Variants in DENND1B observed in about 807,000 individuals in gnomAD.
DENND1B encodes DENN domain containing 1B, also known as DENN domain-containing protein 1B.
In DENND1B, 59 loss-of-function variants were observed where a neutral mutation model predicts 90.1. The observed-to-expected ratio is 0.65, with a 90% CI of 0.53 to 0.81. The LOEUF is 0.81. Ranked by LOEUF, DENND1B falls within the 40% of genes least tolerant of loss-of-function variation. DENND1B has a pLI of 0.00. For missense variants in DENND1B, 862 were observed against 912.6 expected, an observed-to-expected ratio of 0.94 and a Z score of 0.71; for synonymous variants, 337 against 324.6, an observed-to-expected ratio of 1.04 and a Z score of -0.41.
intron 10 of DENND1B, among the ~76,000 whole-genome samples, chr1:197,618,843 T>G (rs1269436229): frequency 6.6e-6 from 1 of 151,066 alleles, no homozygotes; most frequent in Non-Finnish European, 1.5e-5. Context: ...ACAAAGATAT[T>G]TAAAGAAACT....
chr1:197,734,278 G>T, intron 2 of DENND1B: 1 of 932,052 alleles, frequency 1.1e-6, no homozygotes, highest in Non-Finnish European at 1.3e-6. Flanking sequence ...TTTTTAACCT[G>T]TAAAAAGTTA....
In DENND1B at chr1:197,741,109, G is replaced by T. The variant is rs377057668; in HGVS notation, c.83-26035C>A. ...CTGGAATTTCTCTAGGCTACAAAGA[G>T]AAAGGATAAGACAAGTAAATCATTA... On this transcript the variant is annotated intron_variant, in intron 2 of 22. Coordinates refer to ENST00000620048, the MANE Select transcript of DENND1B (RefSeq NM_001195215.2). Among the ~76,000 whole-genome samples, 213 of 152,264 alleles carry T rather than the reference G, an allele frequency of 1.4e-3. 1 individual carries two copies. Among genetic ancestry groups the T allele is most frequent in the Middle Eastern group, 6.8e-3 (2 of 294 alleles).
chr1:197,611,250 C>T (rs1253530707), intron 12 of DENND1B, among the ~76,000 whole-genome samples: 2 of 150,716 alleles, frequency 1.3e-5, no homozygotes, highest in African/African-American at 2.4e-5. Flanking sequence ...TTAATTAAAG[C>T]CTTTTGCTTA....
intron 2 of DENND1B, among the ~76,000 whole-genome samples, chr1:197,723,188 A>G (rs149990332): frequency 0.017 from 2,630 of 152,336 alleles, 32 homozygotes; most frequent in South Asian, 0.037. Flanking sequence ...AGCATGTTAG[A>G]TATAACATTT....
intron 16 of DENND1B, among the ~76,000 whole-genome samples, chr1:197,549,382 A>G (rs1192448826): frequency 6.6e-6 from 1 of 152,172 alleles, no homozygotes; most frequent in Middle Eastern, 3.2e-3. Flanking sequence ...AAACTAAATA[A>G]GAATGGAAAA....
intron 20 of DENND1B, among the ~76,000 whole-genome samples, chr1:197,537,585 AG>A (rs1172116370): frequency 1.3e-5 from 2 of 152,168 alleles, no homozygotes; most frequent in African/African-American, 4.8e-5. Flanking sequence ...AAAACAGGTA[AG>A]ATAATAGATG....
chr1:197,734,323 T>C (rs1375262328), intron 2 of DENND1B: 1 of 955,534 alleles, frequency 1.0e-6, no homozygotes, highest in Non-Finnish European at 1.2e-6. Context: ...AGTCATATGA[T>C]GGTAGTGAAA....
intron 3 of DENND1B, among the ~76,000 whole-genome samples, chr1:197,706,752 T>C (rs1659574251): frequency 6.6e-6 from 1 of 152,082 alleles, no homozygotes; most frequent in Non-Finnish European, 1.5e-5. Flanking sequence ...TTACAATAGT[T>C]ATCATCAAAG....
intron 13 of DENND1B, among the ~76,000 whole-genome samples, chr1:197,597,282 A>G (rs1223238073): frequency 6.6e-6 from 1 of 151,868 alleles, no homozygotes; most frequent in Non-Finnish European, 1.5e-5. Flanking sequence ...AAATGCCTTC[A>G]ATAGCAATGG....
At chr1:197,523,870 T>C (rs1668951046) in intron 20 of DENND1B, among the ~76,000 whole-genome samples, 1 of 152,062 alleles carries the variant, frequency 6.6e-6, no homozygotes, top group South Asian at 2.1e-4. Flanking sequence ...AATTAAGAAT[T>C]ATAAGACATG....
intron 2 of DENND1B, among the ~76,000 whole-genome samples, chr1:197,758,337 C>G: frequency 6.6e-6 from 1 of 152,172 alleles, no homozygotes; most frequent in Non-Finnish European, 1.5e-5. Flanking sequence ...TTCCTGTCTT[C>G]CAGATTGATC....
intron 2 of DENND1B, among the ~76,000 whole-genome samples, chr1:197,725,079 C>G (rs1661503804): frequency 6.6e-6 from 1 of 151,912 alleles, no homozygotes; most frequent in East Asian, 1.9e-4. Flanking sequence ...GCTGATTTTC[C>G]AAAACTGATA....
intron 2 of DENND1B, among the ~76,000 whole-genome samples, chr1:197,749,947 A>G (rs1653249918): frequency 6.6e-6 from 1 of 152,156 alleles, no homozygotes; most frequent in African/African-American, 2.4e-5. Flanking sequence ...TCCTGGGCTC[A>G]AGGAATCCTT....
chr1:197,742,180 C>A (rs762704294), intron 2 of DENND1B, among the ~76,000 whole-genome samples: 1 of 152,042 alleles, frequency 6.6e-6, no homozygotes, highest in African/African-American at 2.4e-5. Context: ...TCATAAAATG[C>A]TTTATGTTAT....
In DENND1B at chr1:197,510,160, T is replaced by C. The variant is rs1028256504; in HGVS notation, c.*300A>G. On this transcript the variant is annotated 3_prime_UTR_variant, in exon 23 of 23. Coordinates refer to ENST00000620048, the MANE Select transcript of DENND1B (RefSeq NM_001195215.2). ...ACTGGTTATGTGCATGGGTTACATA[T>C]GCATTCTTAGCTTAAATAAAATAAA... 2 of 330,270 alleles carry C rather than the reference T, an allele frequency of 6.1e-6. No individual in the cohort carries two copies. The highest frequency in any genetic ancestry group is 1.1e-5 in the Non-Finnish European group (2 of 179,624). 20.5% of individuals were successfully genotyped at this position (330,270 alleles called of 1,614,324 possible).
At chr1:197,723,510 T>C (rs981035025) in intron 2 of DENND1B, among the ~76,000 whole-genome samples, 14 of 152,286 alleles carry the variant, frequency 9.2e-5, no homozygotes, top group South Asian at 4.1e-4. Flanking sequence ...GATTAATCTA[T>C]CGCAAGGAAC....
intron 11 of DENND1B, among the ~76,000 whole-genome samples, chr1:197,615,459 C>T (rs1677561292): frequency 6.6e-6 from 1 of 151,026 alleles, no homozygotes; most frequent in Admixed American, 6.6e-5. Flanking sequence ...CAGAAAGTTC[C>T]AATCGTGCCA....
At chr1:197,541,938 T>A (rs1002743134) in intron 18 of DENND1B, among the ~76,000 whole-genome samples, 1 of 152,206 alleles carries the variant, frequency 6.6e-6, no homozygotes, top group Non-Finnish European at 1.5e-5. Context: ...GAGTTGAAGC[T>A]ACTAGTGTCA....
At chr1:197,751,870 A>G (rs1252662096) in intron 2 of DENND1B, among the ~76,000 whole-genome samples, 2 of 141,832 alleles carry the variant, frequency 1.4e-5, no homozygotes, top group South Asian at 2.5e-4. Flanking sequence ...GCAGGGGAAG[A>G]AGGAGGAGGA....
Sources: allele counts gnomAD v4.1 joint callset (sites outside exome capture counted in the v4.1 genomes callset), GRCh38; gene constraint gnomAD v4.1.1; transcripts MANE v1.5; gene names NCBI Gene and HGNC (gene_info 2026-07-23, HGNC 2026-07-21).